NRG4: variants seen among roughly 807,000 people sequenced by gnomAD.
NRG4 encodes pro-neuregulin-4, membrane-bound isoform.
NRG4 carries 10 observed loss-of-function variants against 15.0 expected under a neutral mutation model. The ratio of observed to expected loss-of-function variants is 0.67; its 90% CI spans 0.41 to 1.13. NRG4 has a LOEUF of 1.13. NRG4 is among the 50% of genes most tolerant of loss of function. The pLI is 0.00. For missense variants in NRG4, 139 were observed against 140.2 expected, an observed-to-expected ratio of 0.99 and a Z score of 0.04; for synonymous variants, 41 against 50.1, an observed-to-expected ratio of 0.82 and a Z score of 0.77.
rs2141843886 is a variant in NRG4 at position 75,977,099 on chromosome 15, C to T, written c.105-15125G>A. Among the ~76,000 whole-genome samples, 1 of 152,286 alleles carries T rather than the reference C, an allele frequency of 6.6e-6. No individual in the cohort carries two copies. Among genetic ancestry groups the T allele is most frequent in the African/African-American group, 2.4e-5 (1 of 41,554 alleles). On this transcript the variant is annotated intron_variant, in intron 3 of 5. Transcript: ENST00000394907. This position sits in a 1 kb window ranked among gnomAD's most constrained non-coding sequence, Gnocchi z 4.9. ...GGCACTGTGGTGGGCTCTGCCCTGT[C>T]CAAACTTCCCAGCAGTTTTGTTTAC...
chr15:76,038,802 G>A (rs1260008572), intron 4 of NRG4, among the ~76,000 whole-genome samples: 1 of 152,188 alleles, frequency 6.6e-6, no homozygotes, highest in Non-Finnish European at 1.5e-5. Context: ...CAGGCCTTGG[G>A]CAAGACCCAG....
chr15:76,037,687 G>A (rs1469758338), intron 4 of NRG4, among the ~76,000 whole-genome samples: 1 of 152,128 alleles, frequency 6.6e-6, no homozygotes, highest in East Asian at 1.9e-4. Context: ...CCGGTCATGA[G>A]ACTTACTGAG....
chr15:76,007,040 G>A (rs911634118), intron 3 of NRG4, among the ~76,000 whole-genome samples: 2 of 152,000 alleles, frequency 1.3e-5, no homozygotes, highest in Admixed American at 1.3e-4. Context: ...AAATCATAAT[G>A]AAAAAATGTT....
chr15:76,042,783 G>A (rs1023423018), intron 4 of NRG4, among the ~76,000 whole-genome samples: 5 of 152,000 alleles, frequency 3.3e-5, no homozygotes, highest in African/African-American at 9.7e-5. Context: ...GAGAGGAGGA[G>A]GGAATAGTTC....
chr15:75,966,687 G>A (rs987325947), intron 3 of NRG4, among the ~76,000 whole-genome samples: 2 of 152,092 alleles, frequency 1.3e-5, no homozygotes, highest in African/African-American at 4.8e-5. Flanking sequence ...GTCTAATACT[G>A]GCATACGTCA....
intron 3 of NRG4, among the ~76,000 whole-genome samples, chr15:75,985,776 A>G (rs2033778205): frequency 6.6e-6 from 1 of 151,822 alleles, no homozygotes; most frequent in South Asian, 2.1e-4. Context: ...AAAACCCATA[A>G]AAGACTGATA....
Position 76,033,414 on chromosome 15 carries a change from G to C in NRG4, c.-57+2530C>G, listed in dbSNP as rs554717266. ...GTATTTCAAAAAATAAACAAATAAGGCTTGCCCTTACTTCATATAACCATT... is the reference window on the plus strand; with the variant it reads ...GTATTTCAAAAAATAAACAAATAAGCCTTGCCCTTACTTCATATAACCATT... On this transcript the variant is annotated intron_variant, in intron 5 of 8. Coordinates refer to the NRG4 transcript ENST00000563910. Among the ~76,000 whole-genome samples, 35 of 152,238 alleles carry C rather than the reference G, an allele frequency of 2.3e-4. 1 individual carries two copies. The South Asian group carries it at 7.1e-3, about 31-fold the overall frequency.
At chr15:75,946,429 C>T (rs1248170660) in intron 5 of NRG4, among the ~76,000 whole-genome samples, 1 of 152,222 alleles carries the variant, frequency 6.6e-6, no homozygotes, top group Admixed American at 6.5e-5. Flanking sequence ...ACGATCTCAG[C>T]TCACTGCAAG....
intron 3 of NRG4, among the ~76,000 whole-genome samples, chr15:75,987,588 C>T (rs1269068755): frequency 6.6e-6 from 1 of 152,124 alleles, no homozygotes; most frequent in Non-Finnish European, 1.5e-5. Flanking sequence ...GTATGCAGCA[C>T]GAAGATGTCC....
intron 3 of NRG4, among the ~76,000 whole-genome samples, chr15:75,974,664 G>A (rs974744262): frequency 2.0e-5 from 3 of 152,130 alleles, no homozygotes; most frequent in Middle Eastern, 3.2e-3. Context: ...GTAGTTGTGT[G>A]GCTTTGAGTG....
intron 3 of NRG4, chr15:76,005,680 A>G (rs963759937): frequency 1.2e-4 from 17 of 136,482 alleles, no homozygotes; most frequent in Non-Finnish European, 2.2e-4. Flanking sequence ...TCTGTCTCAG[A>G]AAAAAAAAAA....
chr15:75,989,666 G>T (rs927815756), intron 3 of NRG4, among the ~76,000 whole-genome samples: 1 of 151,980 alleles, frequency 6.6e-6, no homozygotes, highest in Non-Finnish European at 1.5e-5. Context: ...TTTCATTCAG[G>T]TTTTCTTTTA....
rs879816994 is a variant in NRG4 at position 75,941,261 on chromosome 15, T to TATTAAA, written c.*2371_*2376dup. ...ACTTCATACCCACTGGGATAGCTCT[T>TATTAAA]ATTAAAATTAAAAAAACACACAAGT... is the stretch of plus-strand genomic sequence containing the variant. On this transcript the variant is annotated 3_prime_UTR_variant, in exon 6 of 6. Coordinates refer to ENST00000394907, the MANE Select transcript of NRG4 (RefSeq NM_138573.4). 4 of 152,130 alleles carry TATTAAA rather than the reference T, an allele frequency of 2.6e-5. No homozygotes were observed. Among genetic ancestry groups the TATTAAA allele is most frequent in the Non-Finnish European group, 5.9e-5 (4 of 67,992 alleles). 9.4% of individuals were successfully genotyped at this position (152,130 alleles called of 1,614,324 possible). A position where few individuals can be genotyped will look rare whatever the true frequency, so the allele number is the denominator to read the frequency against.
At chr15:76,005,195 C>A (rs1399436497) in intron 3 of NRG4, among the ~76,000 whole-genome samples, 2 of 151,638 alleles carry the variant, frequency 1.3e-5, no homozygotes, top group Non-Finnish European at 2.9e-5. Context: ...TGAGACCAGC[C>A]TAGTCAACAG....
At chr15:76,036,645 C>T (rs1053337898) in intron 4 of NRG4, among the ~76,000 whole-genome samples, 4 of 152,150 alleles carry the variant, frequency 2.6e-5, no homozygotes, top group Non-Finnish European at 4.4e-5. Flanking sequence ...GATAATGCCT[C>T]ATTCAAAGGG....
At chr15:76,035,629 C>G (rs565519293) in intron 5 of NRG4, among the ~76,000 whole-genome samples, 4 of 152,112 alleles carry the variant, frequency 2.6e-5, no homozygotes, top group Admixed American at 6.6e-5. Context: ...ACAGAAATCC[C>G]CACTCAAGCA....
chr15:75,995,553 G>A (rs2034184449), intron 3 of NRG4, among the ~76,000 whole-genome samples: 1 of 152,018 alleles, frequency 6.6e-6, no homozygotes, highest in South Asian at 2.1e-4. Context: ...TTCAACATGA[G>A]ATTTGGAGAG....
rs2033398306 is a variant in NRG4 at position 75,977,026 on chromosome 15, C to T, written c.105-15052G>A. Among the ~76,000 whole-genome samples, 1 of 152,190 alleles carries T rather than the reference C, an allele frequency of 6.6e-6. No individual in the cohort carries two copies. Among genetic ancestry groups the T allele is most frequent in the African/African-American group, 2.4e-5 (1 of 41,436 alleles). The stretch of plus-strand genomic sequence containing the variant: ...CTGCCTTTCTTTCAGAGATGCCCTG[C>T]CCAGAGAGGAGGAATCTAGAGAGGC... On this transcript the variant is annotated intron_variant, in intron 3 of 5. Coordinates refer to ENST00000394907, the MANE Select transcript of NRG4 (RefSeq NM_138573.4). This position sits in a 1 kb window ranked among gnomAD's most constrained non-coding sequence, Gnocchi z 4.9.
In NRG4 at chr15:75,941,908, G is replaced by A. The variant is rs911230112; in HGVS notation, c.*1730C>T. On this transcript the variant is annotated 3_prime_UTR_variant, in exon 6 of 6. Coordinates refer to ENST00000394907, the MANE Select transcript of NRG4 (RefSeq NM_138573.4). Reference sequence around the variant, plus strand: ...AAAATGGTTAAAATTTAAATCTTACGTACATTTTGCCACAGTAAATTTTTA... The same window carrying A: ...AAAATGGTTAAAATTTAAATCTTACATACATTTTGCCACAGTAAATTTTTA... 5.4e-5 allele frequency: 6 copies of A among 110,672 alleles called. No individual in the cohort carries two copies. The highest frequency in any genetic ancestry group is 1.3e-4 in the Admixed American group (1 of 7,706). 6.9% of individuals were successfully genotyped at this position (110,672 alleles called of 1,614,324 possible). A position where few individuals can be genotyped will look rare whatever the true frequency, so the allele number is the denominator to read the frequency against.
Sources: gnomAD v4.1 joint callset for allele counts (sites outside exome capture counted in the v4.1 genomes callset) on GRCh38, gnomAD v4.1.1 for gene constraint, Gnocchi (gnomAD v3.1) non-coding constraint, MANE v1.5 for transcripts, NCBI Gene and HGNC (gene_info 2026-07-23, HGNC 2026-07-21) for gene names.